ANKS1B: variants seen among roughly 807,000 people sequenced by gnomAD.
ANKS1B encodes ankyrin repeat and sterile alpha motif domain-containing protein 1B.
ANKS1B carries 36 observed loss-of-function variants against 148.3 expected under a neutral mutation model. That is an observed-to-expected ratio of 0.24 (90% CI 0.19 to 0.32). The LOEUF is 0.32. Among genes scored for constraint, ANKS1B ranks in the 10% least tolerant of loss-of-function variants. ANKS1B has a pLI of 1.00. For synonymous variants in ANKS1B, 542 were observed against 560.8 expected, an observed-to-expected ratio of 0.97 and a Z score of 0.47; for missense variants, 1,157 against 1,542.6, an observed-to-expected ratio of 0.75 and a Z score of 4.19.
chr12:99,349,900 T>A (rs1368354874), intron 12 of ANKS1B, among the ~76,000 whole-genome samples: 1 of 152,062 alleles, frequency 6.6e-6, no homozygotes, highest in Admixed American at 6.6e-5. Context: ...GTGAATATAC[T>A]AAATGCCAAT....
intron 14 of ANKS1B, among the ~76,000 whole-genome samples, chr12:99,206,882 T>A (rs2082735849): frequency 6.6e-6 from 1 of 152,160 alleles, no homozygotes; most frequent in African/African-American, 2.4e-5. Context: ...TAAAGAAAAA[T>A]CACTAGAAAT....
intron 1 of ANKS1B, among the ~76,000 whole-genome samples, chr12:99,898,550 A>AGCCCT (rs2093469673): frequency 6.6e-6 from 1 of 152,202 alleles, no homozygotes; most frequent in Admixed American, 6.5e-5. Context: ...AAAGAAAAAA[A>AGCCCT]GCCCTGGGTA....
intron 14 of ANKS1B, among the ~76,000 whole-genome samples, chr12:99,178,585 T>G (rs1320550828): frequency 2.0e-5 from 3 of 152,234 alleles, no homozygotes; most frequent in African/African-American, 7.2e-5. Context: ...ATCAACTTTG[T>G]TGTTGTATTT....
chr12:99,047,304 G>A (rs556211733), intron 17 of ANKS1B, among the ~76,000 whole-genome samples: 94 of 152,192 alleles, frequency 6.2e-4, no homozygotes, highest in South Asian at 1.7e-3. Context: ...AGAGGCTGAG[G>A]CAGGAGAATC....
chr12:99,659,768 T>A (rs2098467246), intron 8 of ANKS1B, among the ~76,000 whole-genome samples: 1 of 152,044 alleles, frequency 6.6e-6, no homozygotes, highest in African/African-American at 2.4e-5. Context: ...GTAAGAATTA[T>A]CCCTATTTTA....
chr12:98,853,385 T>C (rs147232978), intron 17 of ANKS1B, among the ~76,000 whole-genome samples: 15 of 152,316 alleles, frequency 9.8e-5, no homozygotes, highest in African/African-American at 3.6e-4. Flanking sequence ...GCAAAGCCTC[T>C]GAACACCACC....
At chr12:99,206,212 C>T (rs1469147852) in intron 14 of ANKS1B, among the ~76,000 whole-genome samples, 1 of 152,204 alleles carries the variant, frequency 6.6e-6, no homozygotes, top group Non-Finnish European at 1.5e-5. Context: ...AGAGACTCAA[C>T]ATTCAATATA....
chr12:99,086,153 G>T (rs370071347), intron 15 of ANKS1B, among the ~76,000 whole-genome samples: 1 of 152,186 alleles, frequency 6.6e-6, no homozygotes, highest in Non-Finnish European at 1.5e-5. Flanking sequence ...AAGGCAGTTA[G>T]GTAGGATGCT....
At chr12:99,967,765 G>C (rs1287939772) in intron 1 of ANKS1B, among the ~76,000 whole-genome samples, 1 of 151,682 alleles carries the variant, frequency 6.6e-6, no homozygotes, top group African/African-American at 2.4e-5. Flanking sequence ...AAATTAGCTG[G>C]GCATGGTGGT....
chr12:99,919,294 A>G (rs1025872864), intron 1 of ANKS1B, among the ~76,000 whole-genome samples: 12 of 152,190 alleles, frequency 7.9e-5, no homozygotes, highest in Admixed American at 2.6e-4. Context: ...GTTTTCCAAT[A>G]TATAGAATGT....
chr12:99,448,620 G>A (rs1010230546), intron 10 of ANKS1B, among the ~76,000 whole-genome samples: 3 of 152,064 alleles, frequency 2.0e-5, no homozygotes, highest in Non-Finnish European at 2.9e-5. Context: ...ATGCTAATCA[G>A]TTCAATTTAG....
intron 17 of ANKS1B, among the ~76,000 whole-genome samples, chr12:99,044,278 T>C (rs1163930540): frequency 6.7e-6 from 1 of 149,674 alleles, no homozygotes; most frequent in Non-Finnish European, 1.5e-5. Context: ...AGAACAAAAA[T>C]CTTCATGCCA....
At chr12:99,472,203 T>C (rs974123690) in intron 10 of ANKS1B, among the ~76,000 whole-genome samples, 2 of 152,080 alleles carry the variant, frequency 1.3e-5, no homozygotes, top group Admixed American at 1.3e-4. Flanking sequence ...AGGTCTTTTT[T>C]CCTTTGTATG....
chr12:99,574,177 ATC>A (rs902909844), intron 9 of ANKS1B, among the ~76,000 whole-genome samples: 45 of 152,168 alleles, frequency 3.0e-4, no homozygotes, highest in African/African-American at 1.1e-3. Context: ...ATCCAATGAA[ATC>A]TCTGTTACAG....
chr12:99,371,713 CT>C (rs1395666770), intron 12 of ANKS1B, among the ~76,000 whole-genome samples: 1 of 152,042 alleles, frequency 6.6e-6, no homozygotes, highest in African/African-American at 2.4e-5. Context: ...AAGAACAGGT[CT>C]TTGTTGCTAA....
chr12:99,825,450 AAAG>A (rs2083063280), intron 1 of ANKS1B, 61 bp from the exon 2 acceptor site: 1 of 1,364,974 alleles, frequency 7.3e-7, no homozygotes, highest in East Asian at 2.5e-5. Flanking sequence ...TGAAAAACAA[AAAG>A]AAGGCTGGTA....
intron 14 of ANKS1B, among the ~76,000 whole-genome samples, chr12:99,231,613 C>A (rs2086862015): frequency 6.6e-6 from 1 of 151,884 alleles, no homozygotes; most frequent in African/African-American, 2.4e-5. Flanking sequence ...ATTTTAGCAT[C>A]CTTTTTTTTA....
At chr12:98,890,145 G>A (rs1438209430) in intron 17 of ANKS1B, among the ~76,000 whole-genome samples, 1 of 152,182 alleles carries the variant, frequency 6.6e-6, no homozygotes. Flanking sequence ...GGTAAATGGA[G>A]GGAGGGCCAG....
At chr12:99,320,728 G>T (rs1030579444) in intron 12 of ANKS1B, among the ~76,000 whole-genome samples, 3 of 152,178 alleles carry the variant, frequency 2.0e-5, no homozygotes, top group Non-Finnish European at 4.4e-5. Context: ...GTTCAGCTTT[G>T]TTCTGTTGCT....
Sources: gnomAD v4.1 joint callset for allele counts (sites outside exome capture counted in the v4.1 genomes callset) on GRCh38, gnomAD v4.1.1 for gene constraint, MANE v1.5 for transcripts, NCBI Gene and HGNC (gene_info 2026-07-23, HGNC 2026-07-21) for gene names.